The following PPM1E variants were observed in gnomAD, a reference collection of about 807,000 sequenced individuals.
PPM1E encodes the protein protein phosphatase 1E.
PPM1E carries 20 observed loss-of-function variants against 65.9 expected under a neutral mutation model. The ratio of observed to expected loss-of-function variants is 0.30; its 90% CI spans 0.21 to 0.44. PPM1E has a LOEUF of 0.44. Among genes scored for constraint, PPM1E ranks in the 20% least tolerant of loss-of-function variants. The probability of loss-of-function intolerance (pLI) is 1.00; values close to 1 mark genes in which losing one functional copy is unlikely to be tolerated. For missense variants in PPM1E, 713 were observed against 953.1 expected (o/e 0.75, Z 3.32); for synonymous variants, 352 against 374.9 (o/e 0.94, Z 0.70).
intron 1 of PPM1E, among the ~76,000 whole-genome samples, chr17:58,901,648 C>G (rs1457311337): frequency 6.6e-6 from 1 of 151,566 alleles, no homozygotes; most frequent in Non-Finnish European, 1.5e-5. Context: ...GCACTCCAGC[C>G]TGGACAACAG....
chr17:58,918,485 C>T (rs1042671533), intron 1 of PPM1E, among the ~76,000 whole-genome samples: 1 of 151,950 alleles, frequency 6.6e-6, no homozygotes, highest in Non-Finnish European at 1.5e-5. Flanking sequence ...TGCTTTTTAC[C>T]TACCATAAAC....
chr17:58,893,529 A>G (rs768191245), intron 1 of PPM1E, among the ~76,000 whole-genome samples: 5 of 152,328 alleles, frequency 3.3e-5, no homozygotes, highest in Non-Finnish European at 7.3e-5. Flanking sequence ...AAAGATGGAT[A>G]TATGTTATTA....
chr17:58,953,096 G>A (rs1014281076), intron 1 of PPM1E, among the ~76,000 whole-genome samples: 1 of 152,202 alleles, frequency 6.6e-6, no homozygotes, highest in South Asian at 2.1e-4. Context: ...CCAATATGGT[G>A]TGGCATAGGA....
intron 1 of PPM1E, among the ~76,000 whole-genome samples, chr17:58,827,387 C>T (rs1197736259): frequency 1.3e-5 from 2 of 151,910 alleles, no homozygotes; most frequent in East Asian, 2.0e-4. Flanking sequence ...CTGCCTTGGC[C>T]TCCCAAAGTG....
rs1379372730 is a variant in PPM1E, at chr17:58,980,251, T to A, written c.1488T>A (p.Asn496Lys). Reference protein sequence around the residue: ...VFLRDMNKAVNVSEESDWTEN... With the variant: ...VFLRDMNKAVKVSEESDWTEN... ...TGAGGGACATGAACAAAGCTGTAAA[T>A]GTTAGTGAGGAATCAGATTGGACAG... Residue 496 changes from asparagine to lysine, a missense_variant, in exon 7 of 7, where the codon AAT (asparagine) becomes AAA (lysine). Transcript: ENST00000308249. This position sits in a 1 kb window ranked among gnomAD's most constrained non-coding sequence, Gnocchi z 4.7. 6.2e-7 allele frequency: 1 copy of A among 1,614,030 alleles called. No homozygotes were observed. The highest frequency in any genetic ancestry group is 1.1e-5 in the South Asian group (1 of 91,078).
chr17:58,756,598 G>T (rs568542238), intron 1 of PPM1E, 137 bp downstream of exon 1: 2 of 1,079,452 alleles, frequency 1.9e-6, no homozygotes, highest in Non-Finnish European at 2.4e-6. Context: ...CGCTGAAAGC[G>T]CCCCCGCTGC....
At chr17:58,928,004 G>A (rs12451726) in intron 1 of PPM1E, among the ~76,000 whole-genome samples, 5 of 151,902 alleles carry the variant, frequency 3.3e-5, no homozygotes, top group Admixed American at 6.6e-5. Flanking sequence ...AGGTTGCAGC[G>A]AGCCAGGATC....
At chr17:58,796,684 G>A (rs2050209751) in intron 1 of PPM1E, among the ~76,000 whole-genome samples, 1 of 152,144 alleles carries the variant, frequency 6.6e-6, no homozygotes, top group African/African-American at 2.4e-5. Context: ...AAAATTGTAG[G>A]CATTGAACAG....
chr17:58,902,323 C>G (rs1230330313), intron 1 of PPM1E, among the ~76,000 whole-genome samples: 1 of 150,548 alleles, frequency 6.6e-6, no homozygotes, highest in African/African-American at 2.4e-5. Context: ...TGTTATAGAT[C>G]TTCGTGGGGG....
chr17:58,932,401 G>T (rs1231344767), intron 1 of PPM1E, among the ~76,000 whole-genome samples: 1 of 152,066 alleles, frequency 6.6e-6, no homozygotes, highest in African/African-American at 2.4e-5. Flanking sequence ...CTCGGGAGGT[G>T]GAGGTTGCAG....
chr17:58,944,200 A>G (rs1221557337), intron 1 of PPM1E, among the ~76,000 whole-genome samples: 2 of 151,792 alleles, frequency 1.3e-5, no homozygotes, highest in Admixed American at 1.3e-4. Flanking sequence ...CACTTCCACT[A>G]TTCAGTAGTT....
Position 58,980,021 on chromosome 17 carries a change from T to G in PPM1E, c.1258T>G (p.Ser420Ala), listed in dbSNP as rs1385921888. ...TATCTGTGGGGATGCAGATTCTGCC[T>G]CCACTGTTCTGGATGGGACCGAAGA... ...PYICGDADSA[S>A]TVLDGTEDYL... The change falls in exon 7 of 7, where the codon TCC (serine) becomes GCC (alanine). Residue 420 changes from serine to alanine, a missense_variant. Ser to Ala is a moderately conservative substitution (Grantham distance 99). Transcript: ENST00000308249. The surrounding 1 kb of genome is among the most constrained non-coding windows in gnomAD (Gnocchi z 4.7). 2 of 1,614,098 alleles carry G rather than the reference T, an allele frequency of 1.2e-6. No individual in the cohort carries two copies. The highest frequency in any genetic ancestry group is 2.2e-5 in the South Asian group (2 of 91,064).
At chr17:58,792,857 G>A (rs1186671569) in intron 1 of PPM1E, among the ~76,000 whole-genome samples, 2 of 139,982 alleles carry the variant, frequency 1.4e-5, no homozygotes, top group Admixed American at 7.5e-5. Flanking sequence ...GGGTTCAAGC[G>A]ATTCTCCTGC....
intron 1 of PPM1E, among the ~76,000 whole-genome samples, chr17:58,919,330 T>C (rs978492710): frequency 6.6e-6 from 1 of 152,300 alleles, no homozygotes; most frequent in African/African-American, 2.4e-5. Context: ...ACTTGAGAGT[T>C]CTTGAATAGT....
intron 1 of PPM1E, among the ~76,000 whole-genome samples, chr17:58,820,316 C>T (rs1419038891): frequency 6.6e-6 from 1 of 152,116 alleles, no homozygotes; most frequent in Non-Finnish European, 1.5e-5. Flanking sequence ...ATCCTGGCTC[C>T]ACTTACTAAT....
At chr17:58,964,860 A>G (rs528625648) in intron 2 of PPM1E, among the ~76,000 whole-genome samples, 1 of 152,236 alleles carries the variant, frequency 6.6e-6, no homozygotes, top group South Asian at 2.1e-4. Flanking sequence ...CCTGGCCAAC[A>G]TGGTGAAACC....
At chr17:58,888,769 A>G (rs1446563382) in intron 1 of PPM1E, among the ~76,000 whole-genome samples, 5 of 152,234 alleles carry the variant, frequency 3.3e-5, no homozygotes, top group Admixed American at 3.3e-4. Flanking sequence ...CAGTTTCTGC[A>G]AATTATCTTC....
intron 1 of PPM1E, among the ~76,000 whole-genome samples, chr17:58,766,665 G>A (rs187822903): frequency 6.6e-6 from 1 of 152,012 alleles, no homozygotes; most frequent in African/African-American, 2.4e-5. Flanking sequence ...AAATGCTAAA[G>A]GGCAAGAATT....
intron 1 of PPM1E, among the ~76,000 whole-genome samples, chr17:58,938,787 CTTTTT>C (rs565049669): frequency 8.0e-6 from 1 of 125,170 alleles, no homozygotes; most frequent in Non-Finnish European, 1.7e-5. Context: ...TACACTAATT[CTTTTT>C]TTTTTTTTTT....
Sources: allele counts gnomAD v4.1 joint callset (sites outside exome capture counted in the v4.1 genomes callset), GRCh38; gene constraint gnomAD v4.1.1; non-coding constraint Gnocchi (gnomAD v3.1); transcripts MANE v1.5; gene names NCBI Gene and HGNC (gene_info 2026-07-23, HGNC 2026-07-21).